The following CTNNA3 variants were observed in gnomAD, a reference collection of about 807,000 sequenced individuals.
CTNNA3 encodes the protein catenin alpha 3, also known as catenin alpha-3.
Under a neutral mutation model 95.7 loss-of-function variants are expected in CTNNA3, and 76 were observed. That is an observed-to-expected ratio of 0.79 (90% CI 0.66 to 0.96). The LOEUF (loss-of-function observed/expected upper bound fraction) is 0.96. Among genes scored for constraint, CTNNA3 ranks in the 40% least tolerant of loss-of-function variants. CTNNA3 has a pLI of 0.00. For synonymous variants in CTNNA3, 431 were observed against 374.4 expected (o/e 1.15, Z -1.74); for missense variants, 1,191 against 1,089.8 (o/e 1.09, Z -1.31).
chr10:67,486,072 T>C (rs963913395), intron 5 of CTNNA3, among the ~76,000 whole-genome samples: 38 of 152,172 alleles, frequency 2.5e-4, no homozygotes, highest in African/African-American at 9.2e-4. Flanking sequence ...ATTGGTGACA[T>C]AGATGTTACA....
At chr10:66,192,855 A>G (rs2086755993) in intron 13 of CTNNA3, among the ~76,000 whole-genome samples, 1 of 152,134 alleles carries the variant, frequency 6.6e-6, no homozygotes, top group South Asian at 2.1e-4. Context: ...CCTGATTGAA[A>G]TTATGCTTGG....
chr10:66,321,097 A>G (rs571034063), intron 12 of CTNNA3, among the ~76,000 whole-genome samples: 1 of 152,252 alleles, frequency 6.6e-6, no homozygotes, highest in South Asian at 2.1e-4. Context: ...ATAGATTATG[A>G]TATGAATAGT....
rs772529649 is a variant in CTNNA3, at chr10:66,379,165, G to A, written c.1719C>T (p.Phe573=). 6.2e-7 allele frequency: 1 copy of A among 1,613,488 alleles called. No homozygotes were observed. The highest frequency in any genetic ancestry group is 8.5e-7 in the Non-Finnish European group (1 of 1,179,430). Residue 573 remains phenylalanine, a synonymous_variant, in exon 12 of 18, where the codon TTC becomes TTT. Coordinates refer to ENST00000433211, the MANE Select transcript of CTNNA3 (RefSeq NM_013266.4). ...CAACTGACTTACCAGTACTTGTAAG[G>A]AAGTTAACATTTCTCATTACACCTT... is the stretch of plus-strand genomic sequence containing the variant. ...YTEGVMRNVN[F]LTSTVIPEFV...
chr10:66,243,204 G>A (rs539082741), intron 13 of CTNNA3, among the ~76,000 whole-genome samples: 5 of 152,290 alleles, frequency 3.3e-5, no homozygotes, highest in Admixed American at 2.6e-4. Flanking sequence ...GGCCCTGTAA[G>A]AAATTGAAGT....
intron 5 of CTNNA3, among the ~76,000 whole-genome samples, chr10:67,389,389 A>G (rs895967598): frequency 6.6e-6 from 1 of 150,480 alleles, no homozygotes; most frequent in Admixed American, 6.6e-5. Flanking sequence ...CACCCAATAC[A>G]GGAGCACCCA....
chr10:67,162,340 T>C (rs377655790), intron 7 of CTNNA3, among the ~76,000 whole-genome samples: 1 of 151,944 alleles, frequency 6.6e-6, no homozygotes, highest in African/African-American at 2.4e-5. Context: ...ATACATATTA[T>C]TTTTAAGTGC....
chr10:67,407,516 T>C (rs11497776), intron 5 of CTNNA3, among the ~76,000 whole-genome samples: 10,243 of 152,206 alleles, frequency 0.067, 479 homozygotes, highest in African/African-American at 0.13. Flanking sequence ...AAGACAAGGA[T>C]GCCCTCTCTT....
intron 13 of CTNNA3, among the ~76,000 whole-genome samples, chr10:66,213,712 T>C (rs2088325958): frequency 1.3e-5 from 2 of 152,198 alleles, no homozygotes; most frequent in Admixed American, 1.3e-4. Context: ...TTTCACAGTA[T>C]TTCCTAGTGC....
chr10:66,273,447 C>G (rs774234672), intron 13 of CTNNA3, among the ~76,000 whole-genome samples: 1 of 152,024 alleles, frequency 6.6e-6, no homozygotes, highest in African/African-American at 2.4e-5. Flanking sequence ...AGTGGTTGAC[C>G]ACAGATAAGT....
At chr10:67,018,533 A>G (rs1164911722) in intron 7 of CTNNA3, among the ~76,000 whole-genome samples, 1 of 152,204 alleles carries the variant, frequency 6.6e-6, no homozygotes, top group African/African-American at 2.4e-5. Flanking sequence ...ACCTTTAAAT[A>G]AGGTTTCAAT....
At chr10:66,082,407 T>C (rs990872944) in intron 14 of CTNNA3, among the ~76,000 whole-genome samples, 1 of 152,146 alleles carries the variant, frequency 6.6e-6, no homozygotes, top group Admixed American at 6.6e-5. Context: ...AAATACTTCA[T>C]CTGTATTCTT....
chr10:67,456,725 CTG>C (rs778209549), intron 5 of CTNNA3, among the ~76,000 whole-genome samples: 2 of 152,098 alleles, frequency 1.3e-5, no homozygotes, highest in Non-Finnish European at 2.9e-5. Flanking sequence ...GTGTTTTAAA[CTG>C]CTGTCATATC....
At chr10:67,252,436 A>T (rs992568896) in intron 5 of CTNNA3, among the ~76,000 whole-genome samples, 1 of 152,140 alleles carries the variant, frequency 6.6e-6, no homozygotes, top group Non-Finnish European at 1.5e-5. Context: ...ACCTATGATA[A>T]ATTTTAATTT....
At chr10:67,512,154 C>T (rs1839657327) in intron 5 of CTNNA3, among the ~76,000 whole-genome samples, 1 of 151,848 alleles carries the variant, frequency 6.6e-6, no homozygotes, top group South Asian at 2.1e-4. Flanking sequence ...CAGAGTAATG[C>T]AAATCAAAAC....
chr10:67,258,388 C>T (rs190233344), intron 5 of CTNNA3, among the ~76,000 whole-genome samples: 89 of 152,272 alleles, frequency 5.8e-4, no homozygotes, highest in Non-Finnish European at 1.1e-3. Context: ...AGGTAATCCA[C>T]TCGCCATGAC....
At chr10:66,364,972 A>G (rs1261041422) in intron 12 of CTNNA3, among the ~76,000 whole-genome samples, 3 of 152,122 alleles carry the variant, frequency 2.0e-5, no homozygotes, top group African/African-American at 7.2e-5. Flanking sequence ...TCTATTAAGG[A>G]TCCCTGGTAA....
At chr10:66,538,807 C>T (rs1232270234) in intron 10 of CTNNA3, among the ~76,000 whole-genome samples, 1 of 152,118 alleles carries the variant, frequency 6.6e-6, no homozygotes, top group Non-Finnish European at 1.5e-5. Flanking sequence ...TCTATCCTAG[C>T]TAGAGATTCA....
At chr10:66,849,060 C>G (rs918886081) in intron 7 of CTNNA3, among the ~76,000 whole-genome samples, 1 of 152,170 alleles carries the variant, frequency 6.6e-6, no homozygotes, top group Non-Finnish European at 1.5e-5. Context: ...TCTTTAAGGT[C>G]CTGCCATCTG....
At chr10:66,270,224 TGGG>T (rs201185571) in intron 13 of CTNNA3, among the ~76,000 whole-genome samples, 7 of 95,834 alleles carry the variant, frequency 7.3e-5, no homozygotes, top group African/African-American at 2.8e-4. Flanking sequence ...TAACATTTTT[TGGG>T]GGGGGGGGCA....
Sources: allele counts gnomAD v4.1 joint callset (sites outside exome capture counted in the v4.1 genomes callset), GRCh38; gene constraint gnomAD v4.1.1; transcripts MANE v1.5; gene names NCBI Gene and HGNC (gene_info 2026-07-23, HGNC 2026-07-21).